Variants in CACNG7 observed in about 807,000 individuals in gnomAD.
CACNG7 encodes voltage-dependent calcium channel gamma-7 subunit.
Under a neutral mutation model 26.3 loss-of-function variants are expected in CACNG7, and 9 were observed. The ratio of observed to expected loss-of-function variants is 0.34; its 90% confidence interval spans 0.21 to 0.60. The LOEUF is 0.60. Ranked by LOEUF, CACNG7 falls within the 20% of genes least tolerant of loss-of-function variation. The pLI, the probability that CACNG7 is intolerant of heterozygous loss-of-function variation, is 0.81. For synonymous variants in CACNG7, 170 were observed against 157.0 expected, an observed-to-expected ratio of 1.08 and a Z score of -0.62; for missense variants, 297 against 380.4, an observed-to-expected ratio of 0.78 and a Z score of 1.82.
Position 53,943,703 on chromosome 19 carries a change from T to G in CACNG7, c.*1410T>G, listed in dbSNP as rs1052876333. 1 of 152,008 alleles carries G rather than the reference T, an allele frequency of 6.6e-6. No individual in the cohort carries two copies. The highest frequency in any genetic ancestry group is 1.5e-5 in the Non-Finnish European group (1 of 67,990). 9.4% of individuals were successfully genotyped at this position (152,008 alleles called of 1,614,324 possible). ...AATATCGACAGAAACTTCAATAAAC[T>G]TTATTTCAAACACGTCTCCGCCTGC... On this transcript the variant is annotated 3_prime_UTR_variant, in exon 6 of 6. Coordinates refer to ENST00000391767, the MANE Select transcript of CACNG7 (RefSeq NM_031896.5).
At chr19:53,918,648 GTAAA>G (rs2068913855) in intron 4 of CACNG7, among the ~76,000 whole-genome samples, 2 of 152,190 alleles carry the variant, frequency 1.3e-5, no homozygotes, top group Non-Finnish European at 2.9e-5. Context: ...GTTGTTTTAA[GTAAA>G]TAAATAAATG....
rs560947804 is a variant in CACNG7 at position 53,913,535 on chromosome 19, T to A, written c.196+508T>A. ...TACTTGGGAGGCTGAGGCAGGAGAA[T>A]CACTTGAACACGGGAGGTGGAGGTT... On this transcript the variant is annotated intron_variant, in intron 2 of 5. Coordinates refer to ENST00000391767, the MANE Select transcript of CACNG7 (RefSeq NM_031896.5). Among the ~76,000 whole-genome samples, 3 of 151,918 alleles carry A rather than the reference T, an allele frequency of 2.0e-5. No individual in the cohort carries two copies. The South Asian group carries it at 6.2e-4, about 32-fold the overall frequency.
intron 4 of CACNG7, among the ~76,000 whole-genome samples, chr19:53,924,797 GTCATTGGTGGACTTGCCCCAGGT>G (rs2069010177): frequency 1.4e-5 from 2 of 143,368 alleles, no homozygotes; most frequent in African/African-American, 5.3e-5. Context: ...CCTAGTGCTG[GTCATTGGTGGACTTGCCCCAGGT>G]CTGGTCATTG....
In CACNG7 at chr19:53,914,520, G is replaced by T. The variant is rs746181159; in HGVS notation, c.217G>T (p.Val73Leu). 6.2e-7 allele frequency: 1 copy of T among 1,614,110 alleles called. No individual in the cohort carries two copies. The highest frequency in any genetic ancestry group is 1.7e-5 in the Admixed American group (1 of 60,010). ...FFAGREKGRC[V>L]ASEYFLEPEI... ...CCCAGGTCGGGAGAAAGGTCGCTGT[G>T]TGGCCTCAGAATATTTTCTTGAACC... is the stretch of plus-strand genomic sequence containing the variant. Residue 73 changes from valine (V) to leucine (L), a missense_variant, in exon 3 of 6, where the codon GTG (valine) becomes TTG (leucine). By Grantham distance (32) the Val-to-Leu change is conservative (BLOSUM62 1). Transcript: ENST00000391767.
intron 1 of CACNG7, among the ~76,000 whole-genome samples, chr19:53,911,576 G>C: frequency 6.6e-6 from 1 of 152,144 alleles, no homozygotes; most frequent in East Asian, 1.9e-4. Flanking sequence ...TTAAGACGGG[G>C]TGCAAGAATG....
In CACNG7 at chr19:53,932,831, C is replaced by T. The variant is rs115768722; in HGVS notation, c.425-8639C>T. On this transcript the variant is annotated intron_variant, in intron 4 of 5. Transcript: ENST00000391767. ...TCTATTTCAGTGTTTTCTTTTCTCT[C>T]TCCTTTTTTTTTTTTTTTTTGAGAC... Among the ~76,000 whole-genome samples, 1,382 of 146,866 alleles carry T rather than the reference C, an allele frequency of 9.4e-3. 15 individuals are homozygous for T. The highest frequency in any genetic ancestry group is 0.031 in the African/African-American group (1,221 of 39,384).
intron 4 of CACNG7, among the ~76,000 whole-genome samples, chr19:53,918,182 G>A (rs7246670): frequency 0.022 from 3,402 of 152,282 alleles, 62 homozygotes; most frequent in Admixed American, 0.035. Flanking sequence ...TACCACTTAC[G>A]GTTTGAACCA....
chr19:53,942,000 G>T (rs368747099), intron 5 of CACNG7, 36 bp from the exon 6 acceptor site: 5 of 1,542,006 alleles, frequency 3.2e-6, no homozygotes, highest in East Asian at 4.6e-5. Context: ...ATGCGCAGGG[G>T]GGCGCCCCTG....
intron 2 of CACNG7, 57 bp downstream of exon 2, chr19:53,913,084 G>A: frequency 6.7e-7 from 1 of 1,493,976 alleles, no homozygotes; most frequent in Non-Finnish European, 9.2e-7. Flanking sequence ...GGGTCTGAGA[G>A]TCTTAGCCAT....
In CACNG7 at chr19:53,942,434, C is replaced by T. The variant is rs1416884200; in HGVS notation, c.*141C>T. 2 of 1,488,586 alleles carry T rather than the reference C, an allele frequency of 1.3e-6. No individual in the cohort carries two copies. The highest frequency in any genetic ancestry group is 2.8e-5 in the African/African-American group (2 of 71,290). The allele number at this position is 1,488,586 out of a possible 1,614,324, so 92.2% of individuals were successfully genotyped here. A position where few individuals can be genotyped will look rare whatever the true frequency, so the allele number is the denominator to read the frequency against. The stretch of plus-strand genomic sequence containing the variant: ...TGCGCCAGCTTTAGGCCCCGCCCTC[C>T]TCCCAATGGCTCCGCCCACAGACTC... On this transcript the variant is annotated 3_prime_UTR_variant, in exon 6 of 6. Transcript: ENST00000391767. The surrounding 1 kb of genome is among the most constrained non-coding windows in gnomAD (Gnocchi z 5.9).
At position 53,912,742 on chromosome 19, in the gene CACNG7, C is replaced by A; in HGVS notation, c.-29-61C>A. The A allele has an allele frequency of 7.4e-7, 1 of 1,348,730 alleles. No homozygotes were observed. Among genetic ancestry groups the A allele is most frequent in the Non-Finnish European group, 1.0e-6 (1 of 963,296 alleles). 83.5% of individuals were successfully genotyped at this position (1,348,730 alleles called of 1,614,324 possible). On this transcript the variant is annotated intron_variant, in intron 1 of 5. Coordinates refer to ENST00000391767, the MANE Select transcript of CACNG7 (RefSeq NM_031896.5). The surrounding 1 kb of genome is among the most constrained non-coding windows in gnomAD (Gnocchi z 4.6). ...TAGGGCCCAGCATCCCGGGTTGCTG[C>A]ATGGGGTCAAGCACTCTGGTCGGTC...
chr19:53,919,143 G>A (rs1299627833), intron 4 of CACNG7, among the ~76,000 whole-genome samples: 1 of 152,076 alleles, frequency 6.6e-6, no homozygotes, highest in Non-Finnish European at 1.5e-5. Context: ...TCCTCACCAT[G>A]GCATTATGCT....
chr19:53,923,716 GT>G (rs71191707), intron 4 of CACNG7, among the ~76,000 whole-genome samples: 395 of 129,276 alleles, frequency 3.1e-3, no homozygotes, highest in Non-Finnish European at 4.3e-3. Flanking sequence ...GTTGTCCCAG[GT>G]CTGGTCATTG....
chr19:53,917,265 T>A (rs11673109), intron 4 of CACNG7, among the ~76,000 whole-genome samples: 33,809 of 152,136 alleles, frequency 0.22, 4,145 homozygotes, highest in African/African-American at 0.31. Context: ...CTTCAGTTCA[T>A]TTCAAATGAA....
rs2068848828 is a variant in CACNG7 at position 53,909,465 on chromosome 19, G to T, written c.-82G>T. ...GCGGCCGGGGGAAGCCTCGGGGCCG[G>T]TCATGCGGCTGCGGGGCCCGCGGCC... On this transcript the variant is annotated 5_prime_UTR_variant, in exon 1 of 6. Transcript: ENST00000391767. The surrounding 1 kb of genome is among the most constrained non-coding windows in gnomAD (Gnocchi z 5.1). The T allele has an allele frequency of 6.6e-6, 1 of 151,228 alleles. No individual in the cohort carries two copies. The highest frequency in any genetic ancestry group is 1.5e-5 in the Non-Finnish European group (1 of 67,510). 9.4% of individuals were successfully genotyped at this position (151,228 alleles called of 1,614,324 possible).
chr19:53,928,175 A>G (rs765698065), intron 4 of CACNG7, among the ~76,000 whole-genome samples: 3 of 152,210 alleles, frequency 2.0e-5, no homozygotes, highest in Non-Finnish European at 4.4e-5. Context: ...TACTACAAAG[A>G]AAAAAGAAAA....
At chr19:53,921,795 TCCCCAGGTCTGGTCATTGGTGGAGTTG>T (rs1568774746) in intron 4 of CACNG7, among the ~76,000 whole-genome samples, 12 of 68,168 alleles carry the variant, frequency 1.8e-4, no homozygotes, top group South Asian at 5.3e-4. Flanking sequence ...GGTGGAGTTG[TCCCCAGGTCTGGTCATTGGTGGAGTTG>T]CCCCAGGTCT....
At chr19:53,926,056 C>A (rs944592806) in intron 4 of CACNG7, among the ~76,000 whole-genome samples, 18 of 152,146 alleles carry the variant, frequency 1.2e-4, no homozygotes, top group Non-Finnish European at 2.6e-4. Flanking sequence ...GTCCTGTATA[C>A]CAGGCCCTGT....
chr19:53,920,982 G>C (rs1248513996), intron 4 of CACNG7, among the ~76,000 whole-genome samples: 2 of 90,634 alleles, frequency 2.2e-5, no homozygotes, highest in Non-Finnish European at 4.2e-5. Context: ...GCTGGTCATT[G>C]GTGGAGTTGC....
Sources: allele counts gnomAD v4.1 joint callset (sites outside exome capture counted in the v4.1 genomes callset), GRCh38; gene constraint gnomAD v4.1.1; non-coding constraint Gnocchi (gnomAD v3.1); transcripts MANE v1.5; gene names NCBI Gene and HGNC (gene_info 2026-07-23, HGNC 2026-07-21).